Variants in ODF2 observed in about 807,000 individuals in gnomAD.
The protein encoded by ODF2 is outer dense fiber of sperm tails 2.
ODF2 carries 47 observed loss-of-function variants against 110.2 expected under a neutral mutation model. The observed-to-expected ratio is 0.43, with a 90% CI of 0.34 to 0.54. ODF2 has a LOEUF of 0.54. Ranked by LOEUF, ODF2 falls within the 20% of genes least tolerant of loss-of-function variation. ODF2 has a pLI of 0.03. For missense variants in ODF2, 812 were observed against 1,054.5 expected, an observed-to-expected ratio of 0.77 and a Z score of 3.19; for synonymous variants, 352 against 397.7, an observed-to-expected ratio of 0.89 and a Z score of 1.37.
intron 16 of ODF2, among the ~76,000 whole-genome samples, chr9:128,493,881 A>G (rs1279977660): frequency 6.6e-6 from 1 of 151,852 alleles, no homozygotes; most frequent in Admixed American, 6.6e-5. Context: ...TGCAACCTCC[A>G]CCTCCCGGGT....
chr9:128,475,643 CTTCTTTTTTTT>C (rs1293432977), intron 8 of ODF2, among the ~76,000 whole-genome samples: 1 of 151,786 alleles, frequency 6.6e-6, no homozygotes. Flanking sequence ...GTGAGTTCGA[CTTCTTTTTTTT>C]TTCTTTTTTG....
chr9:128,490,525 T>C (rs897144269), intron 14 of ODF2, among the ~76,000 whole-genome samples: 1 of 152,136 alleles, frequency 6.6e-6, no homozygotes, highest in Non-Finnish European at 1.5e-5. Context: ...CCTCAGGTGA[T>C]CAACCTGCCA....
At chr9:128,484,577 C>A in intron 11 of ODF2, 124 bp from the exon 12 acceptor site, 9 of 1,059,658 alleles carry the variant, frequency 8.5e-6, no homozygotes, top group Non-Finnish European at 1.2e-5. Context: ...GCACTTTTTT[C>A]TGTCTTCCTC....
At chr9:128,482,344 A>G (rs996810663) in intron 9 of ODF2, among the ~76,000 whole-genome samples, 1 of 152,208 alleles carries the variant, frequency 6.6e-6, no homozygotes, top group Non-Finnish European at 1.5e-5. Context: ...CAGCTCAAGA[A>G]CCCTTGTTAA....
intron 5 of ODF2, 176 bp downstream of exon 5, chr9:128,469,529 A>G: frequency 1.6e-6 from 1 of 637,098 alleles, no homozygotes; most frequent in East Asian, 2.7e-5. Context: ...ATGGGATCCC[A>G]TCCCACCAAC....
Position 128,466,422 on chromosome 9 carries a change from G to GC in ODF2, c.250-2761_250-2760insC, listed in dbSNP as rs78104160. Among the ~76,000 whole-genome samples the GC allele has an allele frequency of 3.7e-3, 559 of 150,580 alleles. 21 individuals carry two copies. In the East Asian group the frequency reaches 0.08, roughly 22 times the overall value. On this transcript the variant is annotated intron_variant, in intron 4 of 20. Transcript: ENST00000604420. ...GCAGAGGTTGCAGTGAACCAAAGTT[G>GC]TGCTACTGCACTCCAGGCTGCTTGA...
Position 128,460,539 on chromosome 9 carries a change from C to A in ODF2, c.124-403C>A, listed in dbSNP as rs1458971373. The A allele has an allele frequency of 6.2e-7, 1 of 1,613,318 alleles. No homozygotes were observed. Among genetic ancestry groups the A allele is most frequent in the Admixed American group, 1.7e-5 (1 of 59,864 alleles). On this transcript the variant is annotated intron_variant, in intron 3 of 20. Transcript: ENST00000604420. ...TCAACCATTTTTGTGTTGTCCTCCC[C>A]CACCTGCCAGAAGCCAACCATGAAG...
intron 4 of ODF2, chr9:128,468,854 G>T (rs892630567): frequency 1.6e-5 from 4 of 250,072 alleles, no homozygotes; most frequent in South Asian, 1.4e-4. Context: ...TAGAGACAAG[G>T]TCTCGCTATG....
exon 2 of ODF2, chr9:128,457,423 A>T (rs1835181851): frequency 6.2e-7 from 1 of 1,612,092 alleles, no homozygotes; most frequent in African/African-American, 1.3e-5. Context: ...CCTCATCCTC[A>T]GGCGGCTCCC....
chr9:128,456,866 C>T (rs1362231353), intron 1 of ODF2: 48 of 1,303,468 alleles, frequency 3.7e-5, no homozygotes, highest in Non-Finnish European at 4.6e-5. Context: ...ACCTCCGCGC[C>T]TCCCTCCTTT....
intron 3 of ODF2, chr9:128,460,147 T>C: frequency 7.7e-7 from 1 of 1,296,722 alleles, no homozygotes; most frequent in South Asian, 1.2e-5. Context: ...CACGCCAATC[T>C]GCATGCCCAG....
Position 128,457,422 on chromosome 9 carries a change from C to G in ODF2, c.17C>G (p.Ser6Ter). The change falls in exon 2 of 21, where the codon TCA becomes TGA. Residue 6 changes from serine to a stop codon, truncating the protein, a stop_gained. Coordinates refer to ENST00000604420, the Ensembl canonical transcript of ODF2. LOFTEE classifies it high-confidence loss of function. The stretch of plus-strand genomic sequence containing the variant: ...TGCCTAGCCATGTCTGCCTCATCCT[C>G]AGGCGGCTCCCCCAGGTATTGCCGA... 2.5e-6 allele frequency: 4 copies of G among 1,612,488 alleles called. No individual in the cohort carries two copies. The highest frequency in any genetic ancestry group is 3.4e-6 in the Non-Finnish European group (4 of 1,179,696).
chr9:128,462,608 T>TG (rs1263165792), intron 4 of ODF2, among the ~76,000 whole-genome samples: 7 of 151,568 alleles, frequency 4.6e-5, no homozygotes, highest in African/African-American at 1.7e-4. Flanking sequence ...TTTTTTGTTT[T>TG]TTTTTTTTTG....
At position 128,469,173 on chromosome 9, in the gene ODF2, T is replaced by G. The variant is rs1339790587; in HGVS notation, c.250-10T>G. 5 of 1,613,022 alleles carry G rather than the reference T, an allele frequency of 3.1e-6. No individual in the cohort carries two copies. Among genetic ancestry groups the G allele is most frequent in the Non-Finnish European group, 3.4e-6 (4 of 1,179,368 alleles). The stretch of plus-strand genomic sequence containing the variant: ...TCTGAGTTCATGTGTTTCTCCCTCC[T>G]CTACATCAGAATCCACCTCATTGCC... On this transcript the variant is annotated splice_polypyrimidine_tract_variant and intron_variant, in intron 4 of 20. Coordinates refer to ENST00000604420, the Ensembl canonical transcript of ODF2.
chr9:128,479,332 GA>G (rs890837015), intron 8 of ODF2, among the ~76,000 whole-genome samples: 1 of 152,196 alleles, frequency 6.6e-6, no homozygotes, highest in Non-Finnish European at 1.5e-5. Context: ...AGCCCAGTGA[GA>G]AAATGGGCCA....
chr9:128,460,666 G>C, intron 3 of ODF2: 1 of 1,614,128 alleles, frequency 6.2e-7, no homozygotes, highest in Non-Finnish European at 8.5e-7. Flanking sequence ...CCAGCAGCCA[G>C]GTAGGAGCAT....
chr9:128,466,675 T>A (rs1167401866), intron 4 of ODF2, among the ~76,000 whole-genome samples: 1 of 148,488 alleles, frequency 6.7e-6, no homozygotes, highest in Admixed American at 6.8e-5. Context: ...ATTTGTCATT[T>A]TAAAAAATAT....
exon 21 of ODF2, chr9:128,500,345 TC>T: frequency 1.5e-6 from 2 of 1,354,784 alleles, no homozygotes; most frequent in South Asian, 1.3e-5. Context: ...GGTTTTCCTC[TC>T]CCAGTGAAAA....
At chr9:128,463,085 A>G (rs945882077) in intron 4 of ODF2, among the ~76,000 whole-genome samples, 5 of 151,980 alleles carry the variant, frequency 3.3e-5, no homozygotes, top group Non-Finnish European at 7.4e-5. Context: ...CAACATAGTG[A>G]GATCCTATCT....
Sources: allele counts gnomAD v4.1 joint callset (sites outside exome capture counted in the v4.1 genomes callset), GRCh38; gene constraint gnomAD v4.1.1; transcripts MANE v1.5; gene names NCBI Gene and HGNC (gene_info 2026-07-23, HGNC 2026-07-21).